The following MYBL1 variants were observed in gnomAD, a reference collection of about 807,000 sequenced individuals.
The protein encoded by MYBL1 is MYB proto-oncogene like 1.
Under a neutral mutation model 96.3 loss-of-function variants are expected in MYBL1, and 17 were observed. That is an observed-to-expected ratio of 0.18 (90% CI 0.12 to 0.26). The LOEUF (loss-of-function observed/expected upper bound fraction) is 0.26, where lower values mean the gene tolerates loss of function less well. MYBL1 is among the 10% of genes least tolerant of loss of function. MYBL1 has a pLI of 1.00. For synonymous variants in MYBL1, 282 were observed against 292.7 expected (o/e 0.96, Z 0.37); for missense variants, 701 against 882.9 (o/e 0.79, Z 2.61).
intron 1 of MYBL1, chr8:66,612,618 G>T: frequency 4.1e-6 from 2 of 487,626 alleles, no homozygotes; most frequent in Non-Finnish European, 6.6e-6. Flanking sequence ...TACGTCCCGC[G>T]CCTCAAACAC....
chr8:66,576,001 C>T lies in MYBL1; in HGVS notation c.1470+6G>A. ...TTAGAAACATAAACAAAATGAACAC[C>T]ACTACCTGTGAAGGAGAAAATGGTA... On this transcript the variant is annotated splice_donor_region_variant and intron_variant, in intron 10 of 15. Transcript: ENST00000522677. 6.2e-7 allele frequency: 1 copy of T among 1,606,540 alleles called. No individual in the cohort carries two copies. The highest frequency in any genetic ancestry group is 8.5e-7 in the Non-Finnish European group (1 of 1,175,080).
chr8:66,569,940 C>A (rs185064299), intron 12 of MYBL1, among the ~76,000 whole-genome samples: 1 of 152,056 alleles, frequency 6.6e-6, no homozygotes, highest in East Asian at 1.9e-4. Flanking sequence ...TAAGATATAC[C>A]TGATTAAAAT....
At chr8:66,609,326 A>G (rs1371855627) in intron 1 of MYBL1, among the ~76,000 whole-genome samples, 2 of 152,080 alleles carry the variant, frequency 1.3e-5, no homozygotes, top group Non-Finnish European at 2.9e-5. Flanking sequence ...TTCTAAAAGA[A>G]AGAGAAATAC....
chr8:66,572,981 G>A (rs1808795065), intron 11 of MYBL1, among the ~76,000 whole-genome samples: 1 of 152,068 alleles, frequency 6.6e-6, no homozygotes, highest in African/African-American at 2.4e-5. Context: ...TTGGGAGGCT[G>A]AGATGGGCAG....
intron 15 of MYBL1, 54 bp from the exon 16 acceptor site, chr8:66,564,879 T>A: frequency 7.7e-7 from 1 of 1,299,126 alleles, no homozygotes; most frequent in East Asian, 2.6e-5. Context: ...GCTATCTATA[T>A]CACAATTAGA....
Position 66,564,691 on chromosome 8 carries a change from TA to T in MYBL1, c.*5del. 6.4e-7 allele frequency: 1 copy of T among 1,560,906 alleles called. No individual in the cohort carries two copies. The highest frequency in any genetic ancestry group is 8.7e-7 in the Non-Finnish European group (1 of 1,149,748). On this transcript the variant is annotated 3_prime_UTR_variant, in exon 16 of 16. Transcript: ENST00000522677. ...GAGTGGGGCATTTCATCAATTTTAA[TA>T]ACAATTACAGTATGAGAGCTCTTGA...
rs1039827576 is a variant in MYBL1 at position 66,563,498 on chromosome 8, C to T, written c.*1199G>A. The T allele has an allele frequency of 5.3e-5, 8 of 152,374 alleles. No homozygotes were observed. The highest frequency in any genetic ancestry group is 6.6e-5 in the Admixed American group (1 of 15,244). The allele number at this position is 152,374 out of a possible 1,614,324, so 9.4% of individuals were successfully genotyped here. A position where few individuals can be genotyped will look rare whatever the true frequency, so the allele number is the denominator to read the frequency against. ...AACTGTTGTAACCTGTAGAGAAACA[C>T]AAAACATTTAAAAAAGGACAAAATA... On this transcript the variant is annotated 3_prime_UTR_variant, in exon 16 of 16. Transcript: ENST00000522677.
intron 8 of MYBL1, among the ~76,000 whole-genome samples, chr8:66,583,749 C>T (rs1431028644): frequency 6.6e-6 from 1 of 152,106 alleles, no homozygotes. Flanking sequence ...TATAACCTAT[C>T]AAGATTGAAC....
At chr8:66,593,774 T>G (rs1331801332) in intron 6 of MYBL1, among the ~76,000 whole-genome samples, 1 of 152,168 alleles carries the variant, frequency 6.6e-6, no homozygotes, top group African/African-American at 2.4e-5. Context: ...GTAATAAGAA[T>G]TTTCAAGATA....
chr8:66,608,264 A>G (rs1354657437), intron 1 of MYBL1, among the ~76,000 whole-genome samples: 2 of 152,110 alleles, frequency 1.3e-5, no homozygotes, highest in Admixed American at 6.5e-5. Flanking sequence ...TCTATTTTGC[A>G]TTTCAGCATG....
At chr8:66,601,828 A>C in intron 2 of MYBL1, 59 bp from the exon 3 acceptor site, 1 of 791,712 alleles carries the variant, frequency 1.3e-6, no homozygotes, top group Admixed American at 2.7e-5. Flanking sequence ...TCTACCCCTA[A>C]ATATAGATAA....
chr8:66,565,976 GAAAAAGTATAA>G, intron 15 of MYBL1, 77 bp downstream of exon 15: 14 of 930,244 alleles, frequency 1.5e-5, no homozygotes, highest in Non-Finnish European at 2.2e-5. Flanking sequence ...GAATTTAAAA[GAAAAAGTATAA>G]TTTGTGATCA....
At chr8:66,567,104 T>G (rs531452199) in intron 12 of MYBL1, 112 bp from the exon 13 acceptor site, 1 of 651,738 alleles carries the variant, frequency 1.5e-6, no homozygotes, top group South Asian at 2.0e-5. Flanking sequence ...AATTTTCTCC[T>G]AGCCCCTATA....
intron 7 of MYBL1, 84 bp from the exon 8 acceptor site, chr8:66,592,628 G>T: frequency 1.3e-6 from 1 of 771,348 alleles, no homozygotes; most frequent in Non-Finnish European, 2.0e-6. Flanking sequence ...TTTCTTCTAT[G>T]CAACATGAAA....
Position 66,572,519 on chromosome 8 carries a change from G to C in MYBL1, c.1691C>G (p.Ala564Gly), listed in dbSNP as rs1808777747. The C allele has an allele frequency of 6.2e-7, 1 of 1,601,332 alleles. No individual in the cohort carries two copies. The highest frequency in any genetic ancestry group is 8.5e-7 in the Non-Finnish European group (1 of 1,171,600). ...AGGTCCATATTTTTTCTCCTGAGCA[G>C]CAAGCGCATTCTTAAAAGGAGTAGG... ...RTPTPFKNAL[A>G]AQEKKYGPLK... Residue 564 changes from alanine (A) to glycine (G), a missense_variant, in exon 12 of 16, where the codon GCT becomes GGT. Around this residue, in one of 5 missense-constraint regions of MYBL1, gnomAD observed 63 missense variants for 109.2 expected, o/e 0.58. Transcript: ENST00000522677.
At chr8:66,576,444 T>C in intron 9 of MYBL1, 69 bp from the exon 10 acceptor site, 2 of 1,476,866 alleles carry the variant, frequency 1.4e-6, no homozygotes, top group South Asian at 1.4e-5. Context: ...GAACACAGGA[T>C]GATGATTTCC....
chr8:66,610,078 A>G (rs1191784200), intron 1 of MYBL1, among the ~76,000 whole-genome samples: 1 of 152,066 alleles, frequency 6.6e-6, no homozygotes, highest in Non-Finnish European at 1.5e-5. Context: ...ATCTGTTACT[A>G]GTAAACAGGT....
rs560596427 is a variant in MYBL1, at chr8:66,598,332, G to A, written c.291+718C>T. ...TAATCCCAGCATTTTGAGTGGCCAAGATGGGCAGATTGCTTGAGCCCAGGA... is the reference window on the plus strand; with the variant it reads ...TAATCCCAGCATTTTGAGTGGCCAAAATGGGCAGATTGCTTGAGCCCAGGA... On this transcript the variant is annotated intron_variant, in intron 4 of 15. Transcript: ENST00000522677. Among the ~76,000 whole-genome samples the A allele has an allele frequency of 4.1e-4, 62 of 152,304 alleles. No homozygotes were observed. The Middle Eastern group carries it at 0.014, about 33-fold the overall frequency.
At position 66,604,979 on chromosome 8, in the gene MYBL1, T is replaced by C. The variant is rs1013313306; in HGVS notation, c.21-2456A>G. On this transcript the variant is annotated intron_variant, in intron 1 of 15. Coordinates refer to ENST00000522677, the MANE Select transcript of MYBL1 (RefSeq NM_001080416.4). ...CTTGAAAAATACACAGGTGGATGTC[T>C]GGAACAGCACTTCCCAACAGAGACA... Among the ~76,000 whole-genome samples, 28 of 152,270 alleles carry C rather than the reference T, an allele frequency of 1.8e-4. 1 individual carries two copies. Among genetic ancestry groups the C allele is most frequent in the African/African-American group, 6.7e-4 (28 of 41,564 alleles).
Sources: gnomAD v4.1 joint callset for allele counts (sites outside exome capture counted in the v4.1 genomes callset) on GRCh38, gnomAD v4.1.1 for gene constraint, gnomAD v4.1.1 regional missense constraint, MANE v1.5 for transcripts, NCBI Gene and HGNC (gene_info 2026-07-23, HGNC 2026-07-21) for gene names.